The following SMIM36 variants were observed in gnomAD, a reference collection of about 807,000 sequenced individuals.
The protein encoded by SMIM36 is small integral membrane protein 36.
chr17:55,468,073 A>T (rs1476784891), intron 3 of SMIM36: 1 of 152,088 alleles, frequency 6.6e-6, no homozygotes, highest in East Asian at 1.9e-4. Context: ...TCCCACTCCT[A>T]TCTCCCTTTG....
intron 1 of SMIM36, among the ~76,000 whole-genome samples, chr17:55,492,242 C>CTTTTTTTTTTTTTTTTTTT (rs770501215): frequency 8.1e-5 from 9 of 111,282 alleles, no homozygotes; most frequent in Non-Finnish European, 1.1e-4. Context: ...TTCTTTCTTT[C>CTTTTTTTTTTTTTTTTTTT]TTTTTTTTTT....
At chr17:55,483,861 C>G (rs976519897) in intron 1 of SMIM36, among the ~76,000 whole-genome samples, 42 of 152,110 alleles carry the variant, frequency 2.8e-4, no homozygotes, top group African/African-American at 1.0e-3. Context: ...CTCCTAACCT[C>G]AAGTGATCTG....
chr17:55,508,126 G>T (rs537914550), intron 1 of SMIM36, among the ~76,000 whole-genome samples: 1 of 152,084 alleles, frequency 6.6e-6, no homozygotes, highest in South Asian at 2.1e-4. Flanking sequence ...CCAACCTACT[G>T]CTTTGCCTTG....
intron 1 of SMIM36, among the ~76,000 whole-genome samples, chr17:55,501,165 TATC>T (rs1909939363): frequency 1.1e-5 from 1 of 93,006 alleles, no homozygotes; most frequent in Non-Finnish European, 1.9e-5. Flanking sequence ...ATATATAATA[TATC>T]TTATATATTA....
At position 55,501,401 on chromosome 17, in the gene SMIM36, T is replaced by TTATAGAATATAATATATAATA. The variant is rs1462289068; in HGVS notation, c.*174+9477_*174+9478insTATTATATATTATATTCTATA. Among the ~76,000 whole-genome samples the TTATAGAATATAATATATAATA allele has an allele frequency of 4.3e-3, 77 of 18,096 alleles. 7 individuals carry two copies. The highest frequency in any genetic ancestry group is 0.018 in the African/African-American group (53 of 3,008). The allele number at this position is 18,096 out of a possible 152,430, so 11.9% of individuals were successfully genotyped here. ...ATTATAGAATATAATATATTATATA[T>TTATAGAATATAATATATAATA]TATTATATATTATAAAATATAATAT... On this transcript the variant is annotated intron_variant, in intron 1 of 4. Transcript: ENST00000636752.
the SMIM36 span, among the ~76,000 whole-genome samples, chr17:55,530,052 C>A: frequency 6.6e-6 from 1 of 152,192 alleles, no homozygotes; most frequent in Admixed American, 6.5e-5. Flanking sequence ...AAGCTGAGTT[C>A]TCCTCCTAAG....
the SMIM36 span, chr17:55,527,882 C>T: frequency 6.6e-6 from 1 of 152,218 alleles, no homozygotes; most frequent in Non-Finnish European, 1.5e-5. Flanking sequence ...GTGGCAGAAA[C>T]CAGGGTCTGC....
chr17:55,481,716 C>T (rs1040422606), intron 1 of SMIM36, among the ~76,000 whole-genome samples: 2 of 152,106 alleles, frequency 1.3e-5, no homozygotes, highest in Admixed American at 1.3e-4. Context: ...TATTTTGAGA[C>T]AGGGTCTCAC....
At chr17:55,455,138 G>A (rs1193957958) in intron 4 of SMIM36, among the ~76,000 whole-genome samples, 5 of 152,124 alleles carry the variant, frequency 3.3e-5, no homozygotes. Context: ...CTGATTTACA[G>A]CCCACCAGCA....
At chr17:55,482,165 C>T (rs1043080293) in intron 1 of SMIM36, among the ~76,000 whole-genome samples, 2 of 152,054 alleles carry the variant, frequency 1.3e-5, no homozygotes, top group Admixed American at 6.6e-5. Context: ...ATCCTAAGAC[C>T]CTTTCTAAAA....
chr17:55,466,274 T>C (rs1909233678), intron 4 of SMIM36, among the ~76,000 whole-genome samples: 1 of 80,450 alleles, frequency 1.2e-5, no homozygotes, highest in Non-Finnish European at 2.1e-5. Flanking sequence ...CAAGACTCCG[T>C]CTCAAAAAAA....
At chr17:55,517,986 A>T in the SMIM36 span, among the ~76,000 whole-genome samples, 1 of 152,226 alleles carries the variant, frequency 6.6e-6, no homozygotes, top group Non-Finnish European at 1.5e-5. Context: ...GAACAGAGAG[A>T]TAAGAGGAAA....
At chr17:55,508,353 A>C (rs1474327194) in intron 1 of SMIM36, among the ~76,000 whole-genome samples, 1 of 150,246 alleles carries the variant, frequency 6.7e-6, no homozygotes, top group Non-Finnish European at 1.5e-5. Flanking sequence ...CAAAAAAAGA[A>C]ATACATACAT....
chr17:55,484,710 T>C (rs1368405767), intron 1 of SMIM36, among the ~76,000 whole-genome samples: 2 of 152,136 alleles, frequency 1.3e-5, no homozygotes, highest in African/African-American at 4.8e-5. Flanking sequence ...TCCCAATGGG[T>C]AGGCAACTAA....
upstream of SMIM36, chr17:55,511,549 G>A (rs1047963251): frequency 1.8e-5 from 6 of 331,932 alleles, no homozygotes; most frequent in East Asian, 9.1e-5. Context: ...AAACACAGAA[G>A]CTGTCTGTCA....
At chr17:55,479,789 G>A (rs543562251) in intron 1 of SMIM36, among the ~76,000 whole-genome samples, 16 of 152,224 alleles carry the variant, frequency 1.1e-4, no homozygotes, top group Admixed American at 7.8e-4. Flanking sequence ...TCTTAGAGCC[G>A]TTGTGAGTAT....
chr17:55,510,709 G>A (rs528985582), intron 1 of SMIM36, among the ~76,000 whole-genome samples, 170 bp downstream of exon 1: 1 of 150,738 alleles, frequency 6.6e-6, no homozygotes, highest in Non-Finnish European at 1.5e-5. Context: ...ACGTGCACGT[G>A]CACACACACA....
At chr17:55,487,298 C>G (rs1909624974) in intron 1 of SMIM36, among the ~76,000 whole-genome samples, 1 of 152,072 alleles carries the variant, frequency 6.6e-6, no homozygotes, top group African/African-American at 2.4e-5. Flanking sequence ...ACATGTATAC[C>G]TATGTAATAA....
intron 1 of SMIM36, among the ~76,000 whole-genome samples, chr17:55,507,728 TAA>T (rs78805605): frequency 8.2e-5 from 9 of 109,506 alleles, no homozygotes; most frequent in African/African-American, 1.7e-4. Context: ...TAAAGTATAA[TAA>T]AAAAAAAAAA....
Sources: allele counts gnomAD v4.1 joint callset (sites outside exome capture counted in the v4.1 genomes callset), GRCh38; gene constraint gnomAD v4.1.1; transcripts MANE v1.5; gene names NCBI Gene and HGNC (gene_info 2026-07-23, HGNC 2026-07-21).